The following SLCO3A1 variants were observed in gnomAD, a reference collection of about 807,000 sequenced individuals.
The protein encoded by SLCO3A1 is solute carrier organic anion transporter family member 3A1, also known as PGE1 transporter.
A neutral mutation model predicts 63.1 loss-of-function variants in SLCO3A1; 27 were observed. The observed-to-expected ratio is 0.43, with a 90% confidence interval of 0.32 to 0.59. SLCO3A1 has a LOEUF of 0.59. Among genes scored for constraint, SLCO3A1 ranks in the 20% least tolerant of loss-of-function variants. The pLI is 0.09. For synonymous variants in SLCO3A1, 473 were observed against 409.9 expected, an observed-to-expected ratio of 1.15 and a Z score of -1.86; for missense variants, 773 against 945.8, an observed-to-expected ratio of 0.82 and a Z score of 2.40.
chr15:92,016,843 G>C (rs1342296949), intron 2 of SLCO3A1, among the ~76,000 whole-genome samples: 2 of 152,170 alleles, frequency 1.3e-5, no homozygotes, highest in African/African-American at 4.8e-5. Context: ...TGGATTTGAG[G>C]TGGCAATGAG....
chr15:91,987,322 G>C lies in SLCO3A1; in HGVS notation c.646+70864G>C, dbSNP rs555453830. 9.9e-5 allele frequency among the ~76,000 whole-genome samples: 15 copies of C among 152,184 alleles called. No homozygotes were observed. The East Asian group carries it at 2.9e-3, about 29-fold the overall frequency. On this transcript the variant is annotated intron_variant, in intron 2 of 9. Coordinates refer to ENST00000318445, the MANE Select transcript of SLCO3A1 (RefSeq NM_013272.4). ...ATGAATTAACTTGTTTATTCAACAC[G>C]TATTTACTGAACACCTATCATGTGT...
chr15:92,170,701 G>T (rs1049233105), downstream of SLCO3A1, among the ~76,000 whole-genome samples: 2 of 152,210 alleles, frequency 1.3e-5, no homozygotes, highest in African/African-American at 4.8e-5. Context: ...TTGGAGGTGA[G>T]AATCTCTGCA....
At chr15:92,089,254 C>G (rs550693382) in intron 2 of SLCO3A1, among the ~76,000 whole-genome samples, 1 of 152,260 alleles carries the variant, frequency 6.6e-6, no homozygotes, top group African/African-American at 2.4e-5. Flanking sequence ...ACTTGATCTC[C>G]TGACCTCGTG....
intron 4 of SLCO3A1, among the ~76,000 whole-genome samples, chr15:92,115,053 A>G (rs1344879310): frequency 1.1e-5 from 1 of 93,580 alleles, no homozygotes; most frequent in Non-Finnish European, 2.5e-5. Context: ...TGTTGACAGC[A>G]ATGTTATCAA....
At position 91,916,262 on chromosome 15, in the gene SLCO3A1, C is replaced by T; in HGVS notation, c.450C>T (p.Cys150=). 2 of 1,568,010 alleles carry T rather than the reference C, an allele frequency of 1.3e-6. No homozygotes were observed. Among genetic ancestry groups the T allele is most frequent in the Non-Finnish European group, 1.7e-6 (2 of 1,156,718 alleles). ...IRWGAEGRDV[C]AANGSGGDEG... is the part of the protein sequence containing the mutation. ...GGGGCGCCGAGGGCCGCGACGTCTG[C>T]GCAGCCAACGGCTCGGGCGGCGACG... The change falls in exon 2 of 10, where the codon TGC becomes TGT. Residue 150 remains cysteine, a synonymous_variant. Transcript: ENST00000318445. The surrounding 1 kb of genome is among the most constrained non-coding windows in gnomAD (Gnocchi z 6.2).
At chr15:91,889,214 T>C in intron 1 of SLCO3A1, 1 of 1,260,834 alleles carries the variant, frequency 7.9e-7, no homozygotes, top group Non-Finnish European at 1.0e-6. Flanking sequence ...ATGTAAGTTC[T>C]AAAATTGTTG....
At chr15:92,057,268 G>T (rs372916495) in intron 2 of SLCO3A1, among the ~76,000 whole-genome samples, 4 of 152,336 alleles carry the variant, frequency 2.6e-5, no homozygotes, top group South Asian at 4.1e-4. Flanking sequence ...CTTCCCTAGG[G>T]CAGCCCTGCA....
At chr15:92,161,381 T>C (rs567352977) in intron 9 of SLCO3A1, among the ~76,000 whole-genome samples, 3 of 152,238 alleles carry the variant, frequency 2.0e-5, no homozygotes, top group South Asian at 2.1e-4. Context: ...ATGATTGTCA[T>C]GGGCAGCCAG....
intron 6 of SLCO3A1, 59 bp from the exon 7 acceptor site, chr15:92,128,292 G>T: frequency 6.2e-7 from 1 of 1,605,698 alleles, no homozygotes; most frequent in South Asian, 1.1e-5. Context: ...TGTCACTGGG[G>T]GCATCTGATT....
At chr15:92,079,064 G>C (rs1036601956) in intron 2 of SLCO3A1, among the ~76,000 whole-genome samples, 2 of 152,216 alleles carry the variant, frequency 1.3e-5, no homozygotes, top group African/African-American at 4.8e-5. Context: ...GCGATAATGA[G>C]TAAAATGGTC....
rs138660584 is a variant in SLCO3A1 at position 92,066,515 on chromosome 15, A to G, written c.647-28366A>G. Among the ~76,000 whole-genome samples the G allele has an allele frequency of 4.4e-4, 67 of 152,348 alleles. 1 individual carries two copies. The highest frequency in any genetic ancestry group is 1.5e-3 in the African/African-American group (64 of 41,584). Reference sequence around the variant, plus strand: ...AAACCTGAACACTCTTGAACAAGACATATCTGGTTTATTGCAAGAAATGAG... The same window carrying G: ...AAACCTGAACACTCTTGAACAAGACGTATCTGGTTTATTGCAAGAAATGAG... On this transcript the variant is annotated intron_variant, in intron 2 of 9. Coordinates refer to ENST00000318445, the MANE Select transcript of SLCO3A1 (RefSeq NM_013272.4).
At position 92,162,876 on chromosome 15, in the gene SLCO3A1, T is replaced by C. The variant is rs749980698; in HGVS notation, c.1874T>C (p.Leu625Pro). Residue 625 changes from leucine (L) to proline (P), a missense_variant, in exon 10 of 10, where the codon CTG becomes CCG. Around this residue, in one of 3 missense-constraint regions of SLCO3A1, gnomAD observed 139 missense variants for 131.4 expected, o/e 1.06. Coordinates refer to ENST00000318445, the MANE Select transcript of SLCO3A1 (RefSeq NM_013272.4). ...TACGACAATGTGGTCTACCGATACC[T>C]GTATGTCAGCATCGCCATCGCGCTC... is the stretch of plus-strand genomic sequence containing the variant. ...VLYDNVVYRY[L>P]YVSIAIALKS... 1 of 1,614,238 alleles carries C rather than the reference T, an allele frequency of 6.2e-7. No individual in the cohort carries two copies. Among genetic ancestry groups the C allele is most frequent in the Non-Finnish European group, 8.5e-7 (1 of 1,180,044 alleles).
At position 91,900,456 on chromosome 15, in the gene SLCO3A1, A is replaced by G. The variant is rs947906294; in HGVS notation, c.181-15537A>G. ...GCGATTCTCCTGCCTCAGCCTCCCC[A>G]GTAGCTGGGATTACAGGTGCATGCC... On this transcript the variant is annotated intron_variant, in intron 1 of 9. Transcript: ENST00000318445. The surrounding 1 kb of genome is among the most constrained non-coding windows in gnomAD (Gnocchi z 4.3). 1.3e-5 allele frequency among the ~76,000 whole-genome samples: 2 copies of G among 152,118 alleles called. No homozygotes were observed. The highest frequency in any genetic ancestry group is 2.9e-5 in the Non-Finnish European group (2 of 68,022).
At chr15:92,112,610 G>A (rs1468095593) in intron 4 of SLCO3A1, among the ~76,000 whole-genome samples, 2 of 152,232 alleles carry the variant, frequency 1.3e-5, no homozygotes, top group Non-Finnish European at 2.9e-5. Context: ...GGTTCTTTGA[G>A]TGGCCTCCTC....
chr15:92,082,494 A>T (rs911528324), intron 2 of SLCO3A1, among the ~76,000 whole-genome samples: 10 of 151,476 alleles, frequency 6.6e-5, no homozygotes, highest in Non-Finnish European at 1.5e-5. Flanking sequence ...TTTCCTCCTC[A>T]CTCCTCCCAC....
At chr15:92,115,680 G>A (rs2047785774) in intron 4 of SLCO3A1, among the ~76,000 whole-genome samples, 1 of 148,408 alleles carries the variant, frequency 6.7e-6, no homozygotes, top group South Asian at 2.2e-4. Flanking sequence ...CTTAGACCAG[G>A]TTCTTAGCCA....
At chr15:91,980,642 C>T (rs1567049370) in intron 2 of SLCO3A1, among the ~76,000 whole-genome samples, 1 of 152,082 alleles carries the variant, frequency 6.6e-6, no homozygotes, top group South Asian at 2.1e-4. Flanking sequence ...GCTGGCTTTG[C>T]AGTTTTCTCC....
intron 2 of SLCO3A1, among the ~76,000 whole-genome samples, chr15:92,010,841 A>G (rs971329878): frequency 2.6e-5 from 4 of 152,112 alleles, no homozygotes; most frequent in African/African-American, 4.8e-5. Context: ...CTATGATCCA[A>G]TCAACTTTGT....
intron 7 of SLCO3A1, among the ~76,000 whole-genome samples, chr15:92,134,119 T>C (rs2048028250): frequency 6.6e-6 from 1 of 152,232 alleles, no homozygotes; most frequent in Non-Finnish European, 1.5e-5. Context: ...GCAGGACATT[T>C]GCTGTCTACT....
Sources: allele counts gnomAD v4.1 joint callset (sites outside exome capture counted in the v4.1 genomes callset), GRCh38; gene constraint gnomAD v4.1.1; regional missense constraint gnomAD v4.1.1; non-coding constraint Gnocchi (gnomAD v3.1); transcripts MANE v1.5; gene names NCBI Gene and HGNC (gene_info 2026-07-23, HGNC 2026-07-21).